HOXB13: variants seen among roughly 807,000 people sequenced by gnomAD.
HOXB13 encodes homeobox B13, also known as homeobox protein Hox-B13.
A neutral mutation model predicts 23.1 loss-of-function variants in HOXB13; 22 were observed. The observed-to-expected ratio is 0.95, with a 90% CI of 0.68 to 1.36. The LOEUF is 1.36. Among genes scored for constraint, HOXB13 ranks in the 40% most tolerant of loss-of-function variants. The pLI, the probability that HOXB13 is intolerant of heterozygous loss-of-function variation, is 0.00. For missense variants in HOXB13, 386 were observed against 376.2 expected (o/e 1.03, Z -0.22); for synonymous variants, 173 against 157.9 (o/e 1.10, Z -0.72).
At position 48,727,979 on chromosome 17, in the gene HOXB13, G is replaced by C. The variant is rs1299014607; in HGVS notation, c.601+14C>G. 1.9e-6 allele frequency: 3 copies of C among 1,610,890 alleles called. No individual in the cohort carries two copies. The highest frequency in any genetic ancestry group is 2.5e-6 in the Non-Finnish European group (3 of 1,178,562). ...CAGGCTCAGAGACAAGGGGACCCAG[G>C]GTAATAGAGGTACCTGCAAATGCTG... On this transcript the variant is annotated intron_variant, in intron 1 of 1. Coordinates refer to ENST00000290295, the MANE Select transcript of HOXB13 (RefSeq NM_006361.6).
In HOXB13 at chr17:48,728,249, C is replaced by T. The variant is rs758798025; in HGVS notation, c.345G>A (p.Thr115=). The T allele has an allele frequency of 1.2e-6, 2 of 1,614,178 alleles. No homozygotes were observed. The highest frequency in any genetic ancestry group is 1.7e-6 in the Non-Finnish European group (2 of 1,180,036). The part of the protein sequence containing the change: ...TLAAYPAETP[T]AGEEYPSRPT... ...GGCGGCTGGGGTACTCTTCCCCGGC[C>T]GTGGGAGTCTCCGCGGGGTACGCGG... Residue 115 remains threonine, a synonymous_variant, in exon 1 of 2, where the codon ACG becomes ACA. Coordinates refer to ENST00000290295, the MANE Select transcript of HOXB13 (RefSeq NM_006361.6).
In HOXB13 at chr17:48,725,534, C is replaced by G. The variant is rs2038199169; in HGVS notation, c.*1256G>C. 1 of 152,232 alleles carries G rather than the reference C, an allele frequency of 6.6e-6. No individual in the cohort carries two copies. The highest frequency in any genetic ancestry group is 1.5e-5 in the Non-Finnish European group (1 of 68,096). 9.4% of individuals were successfully genotyped at this position (152,232 alleles called of 1,614,324 possible). ...CGAGGTAGTGGCGGCCGCGGCCCACCACCAACTGCTCGCCACCGACCCCAC... is the reference window on the plus strand; with the variant it reads ...CGAGGTAGTGGCGGCCGCGGCCCACGACCAACTGCTCGCCACCGACCCCAC... On this transcript the variant is annotated 3_prime_UTR_variant, in exon 2 of 2. Transcript: ENST00000290295.
Position 48,728,543 on chromosome 17 carries a change from GC to G in HOXB13, c.50del (p.Gly17AlafsTer17), listed in dbSNP as rs1384625223. 6.2e-7 allele frequency: 1 copy of G among 1,613,068 alleles called. No individual in the cohort carries two copies. Among genetic ancestry groups the G allele is most frequent in the Non-Finnish European group, 8.5e-7 (1 of 1,179,978 alleles). ...ATLDGAKDIE[G>X]LLGAGGGRNL... ...TCCGCCCCCCTCCCGCTCCCAGCAAGCCTTCGATATCCTTGGCTCCATCCAA... is the reference window on the plus strand; with the variant it reads ...TCCGCCCCCCTCCCGCTCCCAGCAAGCTTCGATATCCTTGGCTCCATCCAA... On this transcript the variant is annotated frameshift_variant, in exon 1 of 2. Coordinates refer to ENST00000290295, the MANE Select transcript of HOXB13 (RefSeq NM_006361.6). LOFTEE classifies it high-confidence loss of function.
rs1255348894 is a variant in HOXB13, at chr17:48,726,065, T to C, written c.*725A>G. 2 of 152,268 alleles carry C rather than the reference T, an allele frequency of 1.3e-5. No individual in the cohort carries two copies. Among genetic ancestry groups the C allele is most frequent in the Non-Finnish European group, 2.9e-5 (2 of 68,060 alleles). 9.4% of individuals were successfully genotyped at this position (152,268 alleles called of 1,614,324 possible). ...TTGGGGGAGGAAATTAATGGTGAAT[T>C]ACCCAGGCACTTTCTCAAATCTCTT... On this transcript the variant is annotated 3_prime_UTR_variant, in exon 2 of 2. Coordinates refer to ENST00000290295, the MANE Select transcript of HOXB13 (RefSeq NM_006361.6).
chr17:48,727,052 C>G lies in HOXB13; in HGVS notation c.602-9G>C, dbSNP rs148901331. The G allele has an allele frequency of 6.2e-7, 1 of 1,603,216 alleles. No individual in the cohort carries two copies. The highest frequency in any genetic ancestry group is 1.1e-5 in the South Asian group (1 of 91,046). ...GTGCTGCCCGCTGGAGTCTGCGCGG[C>G]GTGAAAGGGAGGGAGGAAAAGGCAT... On this transcript the variant is annotated splice_polypyrimidine_tract_variant and intron_variant, in intron 1 of 1. Transcript: ENST00000290295.
In HOXB13 at chr17:48,728,488, G is replaced by A. The variant is rs550726919; in HGVS notation, c.106C>T (p.His36Tyr). ...GGCATCAGCGTAGGCGCCGCTGGGT[G>A]GCTGGTCAGAGGGGAGTGGGCGACC... ...NLVAHSPLTS[H>Y]PAAPTLMPAV... Residue 36 changes from histidine to tyrosine, a missense_variant, in exon 1 of 2, where the codon CAC becomes TAC. Physicochemically the swap from His to Tyr is moderately conservative, Grantham distance 83 (BLOSUM62 2). Transcript: ENST00000290295. The A allele has an allele frequency of 1.2e-6, 2 of 1,613,298 alleles. No individual in the cohort carries two copies. The highest frequency in any genetic ancestry group is 2.2e-5 in the South Asian group (2 of 91,062).
rs775273363 is a variant in HOXB13, at chr17:48,728,211, G to T, written c.383C>A (p.Ala128Asp). ...GGTTCCCGGATATCCCGGATAGAAG[G>T]CAAACTCAGTGGGGCGGCTGGGGTA... ...EEYPSRPTEF[A>D]FYPGYPGTYQ... The change falls in exon 1 of 2, where the codon GCC (alanine) becomes GAC (aspartate). Residue 128 changes from alanine (A) to aspartate (D), a missense_variant. Physicochemically the swap from Ala to Asp is moderately radical, Grantham distance 126. Transcript: ENST00000290295. The T allele has an allele frequency of 3.1e-6, 5 of 1,614,216 alleles. No individual in the cohort carries two copies. The highest frequency in any genetic ancestry group is 4.2e-6 in the Non-Finnish European group (5 of 1,180,046).
At chr17:48,727,470 C>A (rs1260076519) in intron 1 of HOXB13, among the ~76,000 whole-genome samples, 3 of 151,554 alleles carry the variant, frequency 2.0e-5, no homozygotes, top group Non-Finnish European at 4.4e-5. Context: ...CACACATTAA[C>A]CCATCCCAGT....
rs2143061888 is a variant in HOXB13 at position 48,725,971 on chromosome 17, A to G, written c.*819T>C. On this transcript the variant is annotated 3_prime_UTR_variant, in exon 2 of 2. Transcript: ENST00000290295. ...CAAACATCTACTTCACTGGGATCCCAAATGCTCAACAAACCATGACCTGCT... is the reference window on the plus strand; with the variant it reads ...CAAACATCTACTTCACTGGGATCCCGAATGCTCAACAAACCATGACCTGCT... 6.6e-6 allele frequency: 1 copy of G among 152,406 alleles called. No individual in the cohort carries two copies. The highest frequency in any genetic ancestry group is 1.9e-4 in the East Asian group (1 of 5,190). The allele number at this position is 152,406 out of a possible 1,614,324, so 9.4% of individuals were successfully genotyped here. A position where few individuals can be genotyped will look rare whatever the true frequency, so the allele number is the denominator to read the frequency against.
rs371753257 is a variant in HOXB13 at position 48,726,762 on chromosome 17, G to C, written c.*28C>G. The C allele has an allele frequency of 3.1e-6, 5 of 1,609,200 alleles. No homozygotes were observed. The highest frequency in any genetic ancestry group is 2.7e-5 in the African/African-American group (2 of 74,868). On this transcript the variant is annotated 3_prime_UTR_variant, in exon 2 of 2. Coordinates refer to ENST00000290295, the MANE Select transcript of HOXB13 (RefSeq NM_006361.6). Reference sequence around the variant, plus strand: ...GTCTCCCCAGGACACCCCCACTTTCGCTCCTCCCACCCAGGCAAGGAGATC... The same window carrying C: ...GTCTCCCCAGGACACCCCCACTTTCCCTCCTCCCACCCAGGCAAGGAGATC...
At chr17:48,727,857 G>C in intron 1 of HOXB13, 136 bp downstream of exon 1, 1 of 1,101,614 alleles carries the variant, frequency 9.1e-7, no homozygotes, top group African/African-American at 1.6e-5. Flanking sequence ...CTCCTTCAGA[G>C]TCCTAATAAC....
At position 48,725,915 on chromosome 17, in the gene HOXB13, G is replaced by A. The variant is rs1343388186; in HGVS notation, c.*875C>T. ...TTGGCACCACTCTGCCACTCCGTTTGTGCCTGGGAAGGGCTAAGTATGCAA... is the reference window on the plus strand; with the variant it reads ...TTGGCACCACTCTGCCACTCCGTTTATGCCTGGGAAGGGCTAAGTATGCAA... On this transcript the variant is annotated 3_prime_UTR_variant, in exon 2 of 2. Transcript: ENST00000290295. 1 of 152,290 alleles carries A rather than the reference G, an allele frequency of 6.6e-6. No homozygotes were observed. The highest frequency in any genetic ancestry group is 1.5e-5 in the Non-Finnish European group (1 of 68,082). 9.4% of individuals were successfully genotyped at this position (152,290 alleles called of 1,614,324 possible).
Position 48,726,674 on chromosome 17 carries a change from G to C in HOXB13, c.*116C>G, listed in dbSNP as rs1285617294. On this transcript the variant is annotated 3_prime_UTR_variant, in exon 2 of 2. Coordinates refer to ENST00000290295, the MANE Select transcript of HOXB13 (RefSeq NM_006361.6). Reference sequence around the variant, plus strand: ...TCCAGCAGCCAGTGGCCTGGGAAGGGTGTTGTCTCTAGGGGCCTCTCAGCA... The same window carrying C: ...TCCAGCAGCCAGTGGCCTGGGAAGGCTGTTGTCTCTAGGGGCCTCTCAGCA... 1.2e-5 allele frequency: 16 copies of C among 1,295,082 alleles called. No homozygotes were observed. Among genetic ancestry groups the C allele is most frequent in the Non-Finnish European group, 1.7e-5 (16 of 946,118 alleles). The allele number at this position is 1,295,082 out of a possible 1,614,324, so 80.2% of individuals were successfully genotyped here.
intron 1 of HOXB13, among the ~76,000 whole-genome samples, chr17:48,727,311 C>G (rs1051592641): frequency 6.6e-6 from 1 of 152,190 alleles, no homozygotes; most frequent in African/African-American, 2.4e-5. Context: ...TACCCACACA[C>G]CACACACAGT....
chr17:48,724,877 C>A lies in HOXB13; in HGVS notation c.*1913G>T. Reference sequence around the variant, plus strand: ...GGGGAGTCCAGAGGTTCCAGACCCCCAAAGGTCTCTACCAGGGCCATCTCC... The same window carrying A: ...GGGGAGTCCAGAGGTTCCAGACCCCAAAAGGTCTCTACCAGGGCCATCTCC... On this transcript the variant is annotated 3_prime_UTR_variant, in exon 2 of 2. Coordinates refer to ENST00000290295, the MANE Select transcript of HOXB13 (RefSeq NM_006361.6). 2.5e-6 allele frequency: 1 copy of A among 403,004 alleles called. No homozygotes were observed. The highest frequency in any genetic ancestry group is 4.3e-6 in the Non-Finnish European group (1 of 233,712). The allele number at this position is 403,004 out of a possible 1,614,324, so 25.0% of individuals were successfully genotyped here.
rs1022644482 is a variant in HOXB13 at position 48,728,613 on chromosome 17, T to G, written c.-20A>C. On this transcript the variant is annotated 5_prime_UTR_variant, in exon 1 of 2. The change abolishes an upstream ATG in the 5' untranslated region. Coordinates refer to ENST00000290295, the MANE Select transcript of HOXB13 (RefSeq NM_006361.6). ...CTCCATGGAGCCGAGGGTCGGCTCATGAGGTGCGGGGGCGGGGAATCTAGG... is the reference window on the plus strand; with the variant it reads ...CTCCATGGAGCCGAGGGTCGGCTCAGGAGGTGCGGGGGCGGGGAATCTAGG... 1 of 1,610,636 alleles carries G rather than the reference T, an allele frequency of 6.2e-7. No individual in the cohort carries two copies. The highest frequency in any genetic ancestry group is 8.5e-7 in the Non-Finnish European group (1 of 1,179,510).
At position 48,728,252 on chromosome 17, in the gene HOXB13, G is replaced by A. The variant is rs1344504139; in HGVS notation, c.342C>T (p.Pro114=). 3.1e-6 allele frequency: 5 copies of A among 1,614,194 alleles called. No individual in the cohort carries two copies. The highest frequency in any genetic ancestry group is 2.5e-6 in the Non-Finnish European group (3 of 1,180,038). The change falls in exon 1 of 2, where the codon CCC becomes CCT. Residue 114 remains proline (P), a synonymous_variant. Coordinates refer to ENST00000290295, the MANE Select transcript of HOXB13 (RefSeq NM_006361.6). Reference sequence around the variant, plus strand: ...GGCTGGGGTACTCTTCCCCGGCCGTGGGAGTCTCCGCGGGGTACGCGGCCA... The same window carrying A: ...GGCTGGGGTACTCTTCCCCGGCCGTAGGAGTCTCCGCGGGGTACGCGGCCA... ...ATLAAYPAET[P]TAGEEYPSRP... is the part of the protein sequence containing the mutation.
chr17:48,724,851 T>G lies in HOXB13; in HGVS notation c.*1939A>C. 1 of 451,238 alleles carries G rather than the reference T, an allele frequency of 2.2e-6. No individual in the cohort carries two copies. Among genetic ancestry groups the G allele is most frequent in the Non-Finnish European group, 3.6e-6 (1 of 276,006 alleles). The allele number at this position is 451,238 out of a possible 1,614,324, so 28.0% of individuals were successfully genotyped here. ...ATAGCAGAGTGTGGGAGTTAGAGCA[T>G]GGGGAGTCCAGAGGTTCCAGACCCC... On this transcript the variant is annotated 3_prime_UTR_variant, in exon 2 of 2. Transcript: ENST00000290295.
rs1430593599 is a variant in HOXB13, at chr17:48,728,182, G to C, written c.412C>G (p.Gln138Glu). The C allele has an allele frequency of 6.2e-7, 1 of 1,614,212 alleles. No homozygotes were observed. The highest frequency in any genetic ancestry group is 8.5e-7 in the Non-Finnish European group (1 of 1,180,038). Residue 138 changes from glutamine to glutamate, a missense_variant, in exon 1 of 2, where the codon CAG becomes GAG. Coordinates refer to ENST00000290295, the MANE Select transcript of HOXB13 (RefSeq NM_006361.6). Reference sequence around the variant, plus strand: ...ACGTCCAGGTAACTGGCCATAGGCTGGTAGGTTCCCGGATATCCCGGATAG... The same window carrying C: ...ACGTCCAGGTAACTGGCCATAGGCTCGTAGGTTCCCGGATATCCCGGATAG... ...AFYPGYPGTY[Q>E]PMASYLDVSV...
Sources: allele counts gnomAD v4.1 joint callset (sites outside exome capture counted in the v4.1 genomes callset), GRCh38; gene constraint gnomAD v4.1.1; transcripts MANE v1.5; gene names NCBI Gene and HGNC (gene_info 2026-07-23, HGNC 2026-07-21).